Variants in ADAMTSL3 observed in about 807,000 individuals in gnomAD.
The protein encoded by ADAMTSL3 is ADAMTS-like protein 3.
ADAMTSL3 carries 128 observed loss-of-function variants against 201.7 expected under a neutral mutation model. The ratio of observed to expected loss-of-function variants is 0.63; its 90% CI spans 0.55 to 0.73. The LOEUF is 0.73. ADAMTSL3 is among the 30% of genes least tolerant of loss of function. ADAMTSL3 has a pLI of 0.00. For synonymous variants in ADAMTSL3, 738 were observed against 748.4 expected (o/e 0.99, Z 0.23); for missense variants, 1,990 against 2,119.6 (o/e 0.94, Z 1.20).
chr15:83,773,518 T>C lies in ADAMTSL3; in HGVS notation c.190-5T>C, dbSNP rs943326276. The C allele has an allele frequency of 1.9e-6, 3 of 1,610,676 alleles. No individual in the cohort carries two copies. Among genetic ancestry groups the C allele is most frequent in the African/African-American group, 2.7e-5 (2 of 74,748 alleles). ...TTTTTTGTTTGTTTGCTTTTTAACATCTAGACCTCAAGAAACACTCGTTCA... is the reference window on the plus strand; with the variant it reads ...TTTTTTGTTTGTTTGCTTTTTAACACCTAGACCTCAAGAAACACTCGTTCA... On this transcript the variant is annotated splice_polypyrimidine_tract_variant and splice_region_variant and intron_variant, in intron 3 of 29. Coordinates refer to ENST00000286744, the MANE Select transcript of ADAMTSL3 (RefSeq NM_207517.3).
intron 2 of ADAMTSL3, among the ~76,000 whole-genome samples, chr15:83,691,050 G>A (rs1177011327): frequency 6.6e-6 from 1 of 152,120 alleles, no homozygotes; most frequent in Non-Finnish European, 1.5e-5. Context: ...AGCTGAGTGT[G>A]GCTCTATCTG....
chr15:83,724,500 A>C (rs963845356), intron 3 of ADAMTSL3, among the ~76,000 whole-genome samples: 1 of 152,128 alleles, frequency 6.6e-6, no homozygotes, highest in Non-Finnish European at 1.5e-5. Flanking sequence ...TAATCACATC[A>C]GGGTAAATGG....
chr15:83,683,919 CA>C (rs2061506994), intron 2 of ADAMTSL3, among the ~76,000 whole-genome samples: 1 of 152,164 alleles, frequency 6.6e-6, no homozygotes, highest in Non-Finnish European at 1.5e-5. Context: ...GACACTTAAT[CA>C]TTTTGTTTTT....
In ADAMTSL3 at chr15:83,753,478, G is replaced by A. The variant is rs183634717; in HGVS notation, c.190-20045G>A. 5.8e-4 allele frequency among the ~76,000 whole-genome samples: 89 copies of A among 152,278 alleles called. 1 individual carries two copies. The highest frequency in any genetic ancestry group is 2.1e-3 in the African/African-American group (86 of 41,562). ...TGGTAGCTGTCAAATAATATTTCTTGTGGGAGTTTATTTAAAGCCTGTGCC... is the reference window on the plus strand; with the variant it reads ...TGGTAGCTGTCAAATAATATTTCTTATGGGAGTTTATTTAAAGCCTGTGCC... On this transcript the variant is annotated intron_variant, in intron 3 of 29. Transcript: ENST00000286744.
intron 19 of ADAMTSL3, among the ~76,000 whole-genome samples, chr15:83,946,729 C>A (rs755295289): frequency 1.3e-5 from 2 of 152,150 alleles, no homozygotes; most frequent in Non-Finnish European, 2.9e-5. Context: ...TTTGTTGAGA[C>A]AAAGAAGAAA....
chr15:83,877,218 G>GC (rs2065193436), intron 9 of ADAMTSL3, among the ~76,000 whole-genome samples: 1 of 152,164 alleles, frequency 6.6e-6, no homozygotes, highest in East Asian at 1.9e-4. Flanking sequence ...GGGAATACAT[G>GC]CCCATCCCCT....
intron 3 of ADAMTSL3, among the ~76,000 whole-genome samples, chr15:83,753,098 A>G (rs2062664055): frequency 6.6e-6 from 1 of 152,008 alleles, no homozygotes; most frequent in Non-Finnish European, 1.5e-5. Flanking sequence ...TTGAGTCAGT[A>G]AGTGACTTCT....
intron 25 of ADAMTSL3, among the ~76,000 whole-genome samples, chr15:84,017,836 C>T (rs185159800): frequency 4.6e-5 from 7 of 152,314 alleles, no homozygotes; most frequent in Admixed American, 3.3e-4. Context: ...GAGAAGCTCA[C>T]AGTCTGAAGA....
At chr15:83,932,853 G>C (rs1167138552) in intron 17 of ADAMTSL3, among the ~76,000 whole-genome samples, 3 of 152,070 alleles carry the variant, frequency 2.0e-5, no homozygotes, top group Admixed American at 6.5e-5. Flanking sequence ...GTCAGTGGGG[G>C]AAAAAACAGA....
chr15:83,862,141 GA>G (rs566226408), intron 8 of ADAMTSL3: 102 of 152,324 alleles, frequency 6.7e-4, no homozygotes, highest in African/African-American at 2.4e-3. Flanking sequence ...ATCTACGTCT[GA>G]TTGGTGTACC....
intron 19 of ADAMTSL3, among the ~76,000 whole-genome samples, chr15:83,963,970 C>T (rs2067028781): frequency 6.6e-6 from 1 of 152,106 alleles, no homozygotes; most frequent in Admixed American, 6.5e-5. Flanking sequence ...TCAACATCAA[C>T]AAAAAGGATG....
At chr15:83,754,392 GCGTTCA>G (rs758581551) in intron 3 of ADAMTSL3, among the ~76,000 whole-genome samples, 2 of 152,094 alleles carry the variant, frequency 1.3e-5, no homozygotes, top group Admixed American at 6.6e-5. Context: ...TTCTTGGCAA[GCGTTCA>G]CCGGAGAGAG....
chr15:83,786,960 G>A (rs1428871755), intron 4 of ADAMTSL3, among the ~76,000 whole-genome samples: 1 of 152,166 alleles, frequency 6.6e-6, no homozygotes, highest in African/African-American at 2.4e-5. Flanking sequence ...TCTTACATGT[G>A]ATGAGGACCC....
intron 2 of ADAMTSL3, among the ~76,000 whole-genome samples, chr15:83,656,262 A>G (rs1390001290): frequency 6.6e-6 from 1 of 152,182 alleles, no homozygotes; most frequent in East Asian, 1.9e-4. Flanking sequence ...GTTTTATCCC[A>G]CAGTCCTCTC....
intron 8 of ADAMTSL3, among the ~76,000 whole-genome samples, chr15:83,868,831 A>C (rs181089318): frequency 9.8e-5 from 15 of 152,324 alleles, no homozygotes; most frequent in Admixed American, 3.3e-4. Flanking sequence ...ACACCATTAA[A>C]ATAGTGGCTA....
chr15:83,788,121 T>C (rs2063293229), intron 4 of ADAMTSL3, among the ~76,000 whole-genome samples: 1 of 152,224 alleles, frequency 6.6e-6, no homozygotes, highest in Non-Finnish European at 1.5e-5. Flanking sequence ...TTTTATTTGC[T>C]TGTTTTCTTA....
At chr15:83,724,071 A>G (rs1705457813) in intron 3 of ADAMTSL3, among the ~76,000 whole-genome samples, 1 of 150,222 alleles carries the variant, frequency 6.7e-6, no homozygotes, top group African/African-American at 2.5e-5. Flanking sequence ...GTTTTTTTTT[A>G]ATTTTTAAAT....
chr15:83,678,375 A>AT (rs1164519186), intron 2 of ADAMTSL3, among the ~76,000 whole-genome samples: 1 of 151,258 alleles, frequency 6.6e-6, no homozygotes, highest in African/African-American at 2.4e-5. Context: ...GAATGTCTTG[A>AT]TTCCAGAAGG....
At chr15:83,942,574 C>T in intron 17 of ADAMTSL3, 22 bp from the exon 18 acceptor site, 2 of 1,603,208 alleles carry the variant, frequency 1.2e-6, no homozygotes, top group Non-Finnish European at 1.7e-6. Flanking sequence ...GTTCAACTTT[C>T]CCCACTTGTT....
Sources: allele counts gnomAD v4.1 joint callset (sites outside exome capture counted in the v4.1 genomes callset), GRCh38; gene constraint gnomAD v4.1.1; transcripts MANE v1.5; gene names NCBI Gene and HGNC (gene_info 2026-07-23, HGNC 2026-07-21).